The following TRPM2 variants were observed in gnomAD, a reference collection of about 807,000 sequenced individuals.
TRPM2 encodes the protein transient receptor potential cation channel subfamily M member 2, also known as estrogen-responsive element-associated gene 1 protein.
A neutral mutation model predicts 174.0 loss-of-function variants in TRPM2; 161 were observed. That is an observed-to-expected ratio of 0.93 (90% CI 0.81 to 1.05). The LOEUF (loss-of-function observed/expected upper bound fraction) is 1.05. TRPM2 is among the 50% of genes least tolerant of loss of function. TRPM2 has a pLI of 0.00. For synonymous variants in TRPM2, 954 were observed against 861.3 expected (o/e 1.11, Z -1.88); for missense variants, 2,057 against 2,038.0 (o/e 1.01, Z -0.18).
chr21:44,381,150 G>C (rs1345512820), intron 8 of TRPM2, among the ~76,000 whole-genome samples: 1 of 152,036 alleles, frequency 6.6e-6, no homozygotes, highest in African/African-American at 2.4e-5. Flanking sequence ...AGCCCTCCAG[G>C]TGAGGGCAGA....
At chr21:44,409,817 G>T (rs375290562) in intron 19 of TRPM2, among the ~76,000 whole-genome samples, 1 of 128,514 alleles carries the variant, frequency 7.8e-6, no homozygotes, top group African/African-American at 2.9e-5. Context: ...AGTTTTGACC[G>T]CACTGTCTTG....
At position 44,400,262 on chromosome 21, in the gene TRPM2, T is replaced by G. The variant is rs1348680795; in HGVS notation, c.2212T>G (p.Phe738Val). The change falls in exon 15 of 32, where the codon TTC becomes GTC. Residue 738 changes from phenylalanine (F) to valine (V), a missense_variant. Physicochemically the swap from Phe to Val is conservative, Grantham distance 50. Transcript: ENST00000397928. ...KFVSHGGIQA[F>V]LTKVWWGQLS... ...CTGAGACTGCCCCCATCCGCAGGCC[T>G]TCCTGACCAAGGTGTGGTGGGGCCA... 1 of 1,612,160 alleles carries G rather than the reference T, an allele frequency of 6.2e-7. No homozygotes were observed. Among genetic ancestry groups the G allele is most frequent in the Admixed American group, 1.7e-5 (1 of 59,954 alleles).
chr21:44,388,979 A>T (rs1458753326), intron 9 of TRPM2, among the ~76,000 whole-genome samples: 2 of 152,180 alleles, frequency 1.3e-5, no homozygotes, highest in Non-Finnish European at 2.9e-5. Context: ...CCTCAATTCT[A>T]AATGTACTGT....
intron 11 of TRPM2, among the ~76,000 whole-genome samples, chr21:44,393,528 A>G (rs912171647): frequency 1.3e-5 from 2 of 152,088 alleles, no homozygotes; most frequent in African/African-American, 4.8e-5. Flanking sequence ...CTCTGATATC[A>G]ATTTTATGTT....
chr21:44,395,659 G>A, intron 12 of TRPM2, 108 bp downstream of exon 12: 1 of 1,284,432 alleles, frequency 7.8e-7, no homozygotes, highest in Non-Finnish European at 1.1e-6. Flanking sequence ...AAGTGCACGT[G>A]GAGGCTGTGG....
rs376961940 is a variant in TRPM2 at position 44,379,157 on chromosome 21, A to G, written c.1175A>G (p.Glu392Gly). Residue 392 changes from glutamate to glycine, a missense_variant, in exon 8 of 32, where the codon GAG becomes GGG. By Grantham distance (98) the Glu-to-Gly change is moderately conservative. Transcript: ENST00000397928. ...KLSVFFQEMFETFTESRIVEW... is the reference protein window; with the variant it reads ...KLSVFFQEMFGTFTESRIVEW... ...AGCGTGTTCTTCCAGGAGATGTTTG[A>G]GACCTTCACGGAAAGCAGGATTGTC... is the stretch of plus-strand genomic sequence containing the variant. 1 of 1,613,438 alleles carries G rather than the reference A, an allele frequency of 6.2e-7. No individual in the cohort carries two copies. Among genetic ancestry groups the G allele is most frequent in the Non-Finnish European group, 8.5e-7 (1 of 1,180,038 alleles).
chr21:44,418,583 C>G, intron 22 of TRPM2, 28 bp downstream of exon 22: 1 of 1,612,310 alleles, frequency 6.2e-7, no homozygotes, highest in Non-Finnish European at 8.5e-7. Context: ...GGCCTGGGGG[C>G]GGGAAGCCTC....
intron 19 of TRPM2, among the ~76,000 whole-genome samples, chr21:44,412,362 C>A (rs1183230425): frequency 6.6e-6 from 1 of 152,114 alleles, no homozygotes; most frequent in South Asian, 2.1e-4. Context: ...TCATCTAGAT[C>A]ATCTAATTTT....
chr21:44,350,481 T>C (rs1330572642), upstream of TRPM2: 1 of 59,612 alleles, frequency 1.7e-5, no homozygotes, highest in Non-Finnish European at 3.3e-5. Context: ...CGCGGTGGGG[T>C]GCAGGGGCGC....
At chr21:44,353,437 C>G, upstream of TRPM2, 1 of 343,068 alleles carries the variant, frequency 2.9e-6, no homozygotes, top group South Asian at 7.0e-5. Flanking sequence ...TGTGCATGTA[C>G]TCCCCCAGAG....
At chr21:44,428,465 CGTGTGGCTCCTCCCTGAG>C (rs1292063351) in intron 27 of TRPM2, among the ~76,000 whole-genome samples, 6 of 97,786 alleles carry the variant, frequency 6.1e-5, no homozygotes, top group South Asian at 7.6e-4. Context: ...CCTCCCCTGA[CGTGTGGCTCCTCCCTGAG>C]GTGTGGCTCC....
chr21:44,388,801 C>T (rs968158894), intron 9 of TRPM2, among the ~76,000 whole-genome samples: 2 of 152,178 alleles, frequency 1.3e-5, no homozygotes, highest in Admixed American at 6.5e-5. Flanking sequence ...CAGCACTGTG[C>T]TCCAGCCTGG....
chr21:44,397,804 AAGG>A lies in TRPM2; in HGVS notation c.2001_2003del (p.Glu667del), dbSNP rs772942153. On this transcript the variant is annotated inframe_deletion, in exon 13 of 32. Transcript: ENST00000397928. ...CAGCAAGATCCTGAAGGAACTGTCC[AAGG>A]AGGAGGAGGACACGGACAGCTCGGA... 15 of 1,607,134 alleles carry A rather than the reference AAGG, an allele frequency of 9.3e-6. No individual in the cohort carries two copies. Among genetic ancestry groups the A allele is most frequent in the African/African-American group, 2.7e-5 (2 of 74,726 alleles).
chr21:44,379,271 C>T (rs1237173071), intron 8 of TRPM2, 74 bp downstream of exon 8: 37 of 1,542,726 alleles, frequency 2.4e-5, no homozygotes, highest in Non-Finnish European at 3.2e-5. Flanking sequence ...GTGGGCAGGA[C>T]CAGGACTCAT....
intron 27 of TRPM2, among the ~76,000 whole-genome samples, chr21:44,433,989 G>A (rs571087257): frequency 2.4e-4 from 37 of 152,298 alleles, no homozygotes; most frequent in Non-Finnish European, 4.7e-4. Flanking sequence ...GGTCAGGGAC[G>A]GTAGCGCAGG....
chr21:44,380,279 G>A (rs1009256060), intron 8 of TRPM2, among the ~76,000 whole-genome samples: 5 of 152,184 alleles, frequency 3.3e-5, no homozygotes, highest in African/African-American at 4.8e-5. Flanking sequence ...TGTCCGGCAG[G>A]AGAATAACAT....
Position 44,391,112 on chromosome 21 carries a change from G to T in TRPM2, c.1440+87G>T, listed in dbSNP as rs1213271430. ...AGCAAGGGCAGGCAAAGTTCGCATT[G>T]TCTGGATCCCAGCCCTTCCCTTGAG... On this transcript the variant is annotated intron_variant, in intron 10 of 31. Coordinates refer to ENST00000397928, the MANE Select transcript of TRPM2 (RefSeq NM_003307.4). The surrounding 1 kb of genome is among the most constrained non-coding windows in gnomAD (Gnocchi z 5.0). 1.9e-6 allele frequency: 3 copies of T among 1,592,234 alleles called. No individual in the cohort carries two copies. The highest frequency in any genetic ancestry group is 2.7e-5 in the African/African-American group (2 of 74,568).
At position 44,397,851 on chromosome 21, in the gene TRPM2, G is replaced by A. The variant is rs764536128; in HGVS notation, c.2037G>A (p.Ala679=). 13 of 1,607,346 alleles carry A rather than the reference G, an allele frequency of 8.1e-6. No individual in the cohort carries two copies. Among genetic ancestry groups the A allele is most frequent in the Admixed American group, 3.4e-5 (2 of 59,470 alleles). Reference sequence around the variant, plus strand: ...GCTCGGAGGAGATGCTGGCGCTGGCGGAGGAGTATGAGCACAGAGCCATCG... The same window carrying A: ...GCTCGGAGGAGATGCTGGCGCTGGCAGAGGAGTATGAGCACAGAGCCATCG... ...TDSSEEMLAL[A]EEYEHRAIGV... is the part of the protein sequence containing the mutation. The change falls in exon 13 of 32, where the codon GCG becomes GCA. Residue 679 remains alanine, a synonymous_variant. Transcript: ENST00000397928.
intron 8 of TRPM2, among the ~76,000 whole-genome samples, chr21:44,379,956 C>T (rs1280110058): frequency 6.6e-6 from 1 of 152,246 alleles, no homozygotes; most frequent in African/African-American, 2.4e-5. Flanking sequence ...TCTCCAGGTT[C>T]TGAGTGGCTG....
Sources: gnomAD v4.1 joint callset for allele counts (sites outside exome capture counted in the v4.1 genomes callset) on GRCh38, gnomAD v4.1.1 for gene constraint, Gnocchi (gnomAD v3.1) non-coding constraint, MANE v1.5 for transcripts, NCBI Gene and HGNC (gene_info 2026-07-23, HGNC 2026-07-21) for gene names.